Variants in CLEC16A observed in about 807,000 individuals in gnomAD.
CLEC16A encodes the protein C-type lectin domain containing 16A.
CLEC16A carries 51 observed loss-of-function variants against 109.5 expected under a neutral mutation model. The ratio of observed to expected loss-of-function variants is 0.47; its 90% CI spans 0.37 to 0.59. CLEC16A has a LOEUF of 0.59. Ranked by LOEUF, CLEC16A falls within the 20% of genes least tolerant of loss-of-function variation. The pLI is 0.00. For missense variants in CLEC16A, 1,339 were observed against 1,394.0 expected, an observed-to-expected ratio of 0.96 and a Z score of 0.63; for synonymous variants, 673 against 564.2, an observed-to-expected ratio of 1.19 and a Z score of -2.73.
chr16:11,172,044 CCA>C (rs1200774468), intron 23 of CLEC16A, among the ~76,000 whole-genome samples: 5 of 151,278 alleles, frequency 3.3e-5, no homozygotes, highest in Non-Finnish European at 7.4e-5. Flanking sequence ...AGTCACACTC[CCA>C]CACACATACA....
At chr16:11,050,479 G>C (rs1281628475) in intron 17 of CLEC16A, among the ~76,000 whole-genome samples, 1 of 152,242 alleles carries the variant, frequency 6.6e-6, no homozygotes, top group African/African-American at 2.4e-5. Context: ...GAAAGCTTGT[G>C]ATGTTTGAAA....
chr16:11,020,242 C>T lies in CLEC16A; in HGVS notation c.1353C>T (p.Ala451=). The T allele has an allele frequency of 3.1e-6, 5 of 1,613,772 alleles. No individual in the cohort carries two copies. Among genetic ancestry groups the T allele is most frequent in the Non-Finnish European group, 4.2e-6 (5 of 1,179,764 alleles). Residue 451 remains alanine (A), a synonymous_variant, in exon 12 of 24, where the codon GCC becomes GCT. Coordinates refer to ENST00000409790, the MANE Select transcript of CLEC16A (RefSeq NM_015226.3). ...GTAGCAAGCTCTCAGAGCTGGCCGCCAGCACCTCCGTGCAGGAGCAGAACA... is the reference window on the plus strand; with the variant it reads ...GTAGCAAGCTCTCAGAGCTGGCCGCTAGCACCTCCGTGCAGGAGCAGAACA... ...MERSKLSELA[A]STSVQEQNTT... is the part of the protein sequence containing the mutation.
intron 22 of CLEC16A, among the ~76,000 whole-genome samples, chr16:11,152,890 T>C (rs1028426530): frequency 6.6e-6 from 1 of 152,148 alleles, no homozygotes; most frequent in African/African-American, 2.4e-5. Flanking sequence ...CCAGGGGTCA[T>C]TGAAAGGCTG....
rs536067685 is a variant in CLEC16A at position 11,121,879 on chromosome 16, C to CAAAAAAA, written c.2268+1135_2268+1141dup. On this transcript the variant is annotated intron_variant, in intron 20 of 23. Transcript: ENST00000409790. ...TGGGCGGCAGAGTGAGACCCTGTCT[C>CAAAAAAA]AAAAAAAAAAAAAAAAAAAAAAAAA... Among the ~76,000 whole-genome samples the CAAAAAAA allele has an allele frequency of 1.9e-3, 56 of 29,822 alleles. 4 individuals carry two copies. Among genetic ancestry groups the CAAAAAAA allele is most frequent in the Non-Finnish European group, 2.7e-3 (47 of 17,214 alleles). 19.6% of individuals were successfully genotyped at this position (29,822 alleles called of 152,430 possible).
In CLEC16A at chr16:11,164,830, A is replaced by T. The variant is rs182180904; in HGVS notation, c.2642-1558A>T. On this transcript the variant is annotated intron_variant, in intron 22 of 23. Transcript: ENST00000409790. ...CACCCTGCAGCCTTCCTGAGTTTCAAGAAAGGTGAGGTCAGGGCCTAGAGG... is the reference window on the plus strand; with the variant it reads ...CACCCTGCAGCCTTCCTGAGTTTCATGAAAGGTGAGGTCAGGGCCTAGAGG... 1.2e-3 allele frequency among the ~76,000 whole-genome samples: 177 copies of T among 152,350 alleles called. 2 individuals are homozygous for T. Among genetic ancestry groups the T allele is most frequent in the South Asian group, 7.5e-3 (36 of 4,830 alleles).
intron 4 of CLEC16A, among the ~76,000 whole-genome samples, chr16:10,970,124 G>A (rs973388146): frequency 6.6e-6 from 1 of 152,182 alleles, no homozygotes; most frequent in African/African-American, 2.4e-5. Flanking sequence ...TCGTGCTGGG[G>A]CTGGTTCATC....
chr16:11,077,240 C>T (rs978304421), intron 19 of CLEC16A, among the ~76,000 whole-genome samples: 1 of 151,904 alleles, frequency 6.6e-6, no homozygotes, highest in Non-Finnish European at 1.5e-5. Context: ...GAGGCTGAGG[C>T]GAGCGGATTG....
chr16:11,031,699 T>A (rs2046751584), intron 13 of CLEC16A, among the ~76,000 whole-genome samples: 1 of 152,198 alleles, frequency 6.6e-6, no homozygotes, highest in Admixed American at 6.5e-5. Flanking sequence ...CTGGATTCTC[T>A]TAGAGGAGAC....
At chr16:11,136,923 G>A (rs2053594456) in intron 22 of CLEC16A, among the ~76,000 whole-genome samples, 1 of 152,222 alleles carries the variant, frequency 6.6e-6, no homozygotes, top group Admixed American at 6.5e-5. Context: ...AGTGTTACCA[G>A]CTCACAAGTG....
chr16:11,147,533 T>A (rs2054116491), intron 22 of CLEC16A, among the ~76,000 whole-genome samples: 1 of 152,222 alleles, frequency 6.6e-6, no homozygotes, highest in Non-Finnish European at 1.5e-5. Context: ...GTAAAGTGTT[T>A]GTAATCCCCT....
At chr16:11,022,197 G>T (rs2046142336) in intron 12 of CLEC16A, among the ~76,000 whole-genome samples, 1 of 152,160 alleles carries the variant, frequency 6.6e-6, no homozygotes, top group East Asian at 1.9e-4. Flanking sequence ...TGAATGCCGG[G>T]TTAGAGACTG....
At chr16:11,146,730 G>A (rs916694576) in intron 22 of CLEC16A, among the ~76,000 whole-genome samples, 1 of 142,326 alleles carries the variant, frequency 7.0e-6, no homozygotes, top group African/African-American at 2.6e-5. Context: ...ATGGATAGAG[G>A]TGCAGGAATG....
At chr16:11,060,867 C>G in intron 18 of CLEC16A, 35 bp from the exon 19 acceptor site, 1 of 1,554,836 alleles carries the variant, frequency 6.4e-7, no homozygotes, top group Non-Finnish European at 8.7e-7. Flanking sequence ...ACTCTGCAAT[C>G]TCACTCTTCT....
At chr16:10,966,302 CAT>C (rs909745569) in intron 3 of CLEC16A, among the ~76,000 whole-genome samples, 3 of 152,230 alleles carry the variant, frequency 2.0e-5, no homozygotes, top group Admixed American at 1.3e-4. Flanking sequence ...AGAGGCCAGA[CAT>C]AGGAAGTGTG....
chr16:10,953,381 G>A (rs1386029914), intron 1 of CLEC16A, among the ~76,000 whole-genome samples: 1 of 152,214 alleles, frequency 6.6e-6, no homozygotes, highest in African/African-American at 2.4e-5. Flanking sequence ...AGTTCCAGAT[G>A]TACTCAAAGT....
intron 22 of CLEC16A, among the ~76,000 whole-genome samples, chr16:11,138,175 C>T (rs1047557143): frequency 1.3e-5 from 2 of 152,214 alleles, no homozygotes; most frequent in South Asian, 2.1e-4. Flanking sequence ...GCTGAGCAAG[C>T]GTTTACTAAG....
intron 22 of CLEC16A, among the ~76,000 whole-genome samples, chr16:11,147,846 C>T (rs191008717): frequency 6.6e-6 from 1 of 152,206 alleles, no homozygotes; most frequent in Non-Finnish European, 1.5e-5. Flanking sequence ...TTAAAGCAGT[C>T]CAAATGTAAA....
chr16:11,144,132 T>C (rs770165548), intron 22 of CLEC16A, among the ~76,000 whole-genome samples: 7 of 152,164 alleles, frequency 4.6e-5, no homozygotes, highest in African/African-American at 9.7e-5. Context: ...ACTAGGCTGG[T>C]CATCTCCCAA....
chr16:11,079,690 C>T (rs2049592752), intron 19 of CLEC16A, among the ~76,000 whole-genome samples: 1 of 152,200 alleles, frequency 6.6e-6, no homozygotes, highest in Non-Finnish European at 1.5e-5. Context: ...CAGAGCTGTG[C>T]AAAGCCAGGA....
Sources: gnomAD v4.1 joint callset for allele counts (sites outside exome capture counted in the v4.1 genomes callset) on GRCh38, gnomAD v4.1.1 for gene constraint, MANE v1.5 for transcripts, NCBI Gene and HGNC (gene_info 2026-07-23, HGNC 2026-07-21) for gene names.